The following ERLEC1 variants were observed in gnomAD, a reference collection of about 807,000 sequenced individuals.
ERLEC1 encodes endoplasmic reticulum lectin 1.
ERLEC1 carries 47 observed loss-of-function variants against 68.0 expected under a neutral mutation model. The ratio of observed to expected loss-of-function variants is 0.69; its 90% CI spans 0.55 to 0.88. ERLEC1 has a LOEUF of 0.88. Ranked by LOEUF, ERLEC1 falls within the 40% of genes least tolerant of loss-of-function variation. The pLI, the probability that ERLEC1 is intolerant of heterozygous loss-of-function variation, is 0.00. For missense variants in ERLEC1, 567 were observed against 583.8 expected, an observed-to-expected ratio of 0.97 and a Z score of 0.30; for synonymous variants, 225 against 203.2, an observed-to-expected ratio of 1.11 and a Z score of -0.91.
intron 8 of ERLEC1, among the ~76,000 whole-genome samples, chr2:53,803,729 A>G (rs1676127560): frequency 6.6e-6 from 1 of 152,146 alleles, no homozygotes; most frequent in Non-Finnish European, 1.5e-5. Context: ...CAACCTGGGT[A>G]AAAAGAGTGA....
Position 53,787,187 on chromosome 2 carries a change from G to T in ERLEC1, c.-24G>T, listed in dbSNP as rs1307538040. 6.3e-7 allele frequency: 1 copy of T among 1,584,056 alleles called. No individual in the cohort carries two copies. ...CTGGAGCAGAGGAGGTTGTGGCGGT[G>T]GCTGGAGAAAGCGGCGGCGGAGGAT... On this transcript the variant is annotated 5_prime_UTR_variant, in exon 1 of 14. Coordinates refer to ENST00000185150, the MANE Select transcript of ERLEC1 (RefSeq NM_015701.5).
intron 13 of ERLEC1, 119 bp from the exon 14 acceptor site, chr2:53,817,779 T>C: frequency 4.7e-6 from 3 of 633,440 alleles, no homozygotes; most frequent in Non-Finnish European, 8.6e-6. Flanking sequence ...TGTTGGATGT[T>C]TATCTAAAAC....
chr2:53,816,755 A>T (rs568858423), intron 13 of ERLEC1, among the ~76,000 whole-genome samples: 1 of 152,188 alleles, frequency 6.6e-6, no homozygotes, highest in South Asian at 2.1e-4. Context: ...TGATTATCTA[A>T]TGCCTAAATG....
At chr2:53,793,605 T>C (rs1234153804) in intron 1 of ERLEC1, among the ~76,000 whole-genome samples, 1 of 135,444 alleles carries the variant, frequency 7.4e-6, no homozygotes, top group Non-Finnish European at 1.6e-5. Context: ...TCTTAGTGCC[T>C]TTTTTTCTTT....
intron 13 of ERLEC1, among the ~76,000 whole-genome samples, chr2:53,816,264 G>A (rs1676876085): frequency 8.1e-6 from 1 of 123,014 alleles, no homozygotes; most frequent in African/African-American, 3.2e-5. Context: ...GGTTTTGGTT[G>A]GTTTTTTTTT....
intron 1 of ERLEC1, among the ~76,000 whole-genome samples, chr2:53,789,329 G>C (rs939805430): frequency 1.3e-5 from 2 of 149,338 alleles, no homozygotes; most frequent in Non-Finnish European, 3.0e-5. Context: ...GGGAGGTGGA[G>C]GTTGCACTGA....
At position 53,817,891 on chromosome 2, in the gene ERLEC1, T is replaced by C. The variant is rs1167228426; in HGVS notation, c.1381-7T>C. 1 of 1,597,398 alleles carries C rather than the reference T, an allele frequency of 6.3e-7. No homozygotes were observed. On this transcript the variant is annotated splice_polypyrimidine_tract_variant and splice_region_variant and intron_variant, in intron 13 of 13. Transcript: ENST00000185150. ...AACTTTTTAATGGCTTTGTTGTTCT[T>C]CTTTAGGTTGAATCTCCAGTGATCT...
At chr2:53,801,982 C>T in intron 8 of ERLEC1, 140 bp downstream of exon 8, 1 of 660,736 alleles carries the variant, frequency 1.5e-6, no homozygotes, top group Non-Finnish European at 2.6e-6. Flanking sequence ...CATTTCTTTT[C>T]ATTGATTTTA....
rs747342252 is a variant in ERLEC1 at position 53,812,954 on chromosome 2, G to A, written c.1107G>A (p.Lys369=). The change falls in exon 11 of 14, where the codon AAG becomes AAA. Residue 369 remains lysine, a synonymous_variant. Coordinates refer to ENST00000185150, the MANE Select transcript of ERLEC1 (RefSeq NM_015701.5). ...AAATTTTTTTCCCATATTAGGACAA[G>A]GATAGTGGGAAAACCTCTGTGGTTG... ...GKHVHQYHED[K]DSGKTSVVVG... The A allele has an allele frequency of 6.2e-6, 10 of 1,609,358 alleles. No individual in the cohort carries two copies. The highest frequency in any genetic ancestry group is 8.5e-6 in the Non-Finnish European group (10 of 1,179,122).
chr2:53,809,484 C>CAT (rs1415199053), intron 10 of ERLEC1, among the ~76,000 whole-genome samples: 7 of 152,178 alleles, frequency 4.6e-5, no homozygotes, highest in African/African-American at 1.7e-4. Flanking sequence ...ATTAATTACT[C>CAT]ATATGCTTCT....
intron 2 of ERLEC1, among the ~76,000 whole-genome samples, chr2:53,795,549 A>G (rs1183926212): frequency 6.6e-6 from 1 of 152,226 alleles, no homozygotes; most frequent in Non-Finnish European, 1.5e-5. Flanking sequence ...AGATTCAACT[A>G]TTCTAAGGGC....
intron 10 of ERLEC1, among the ~76,000 whole-genome samples, chr2:53,809,990 G>C (rs1676503314): frequency 6.6e-6 from 1 of 152,192 alleles, no homozygotes; most frequent in Non-Finnish European, 1.5e-5. Flanking sequence ...GGCAGAGGTT[G>C]CAGTGAGCCG....
At chr2:53,798,961 T>G in intron 5 of ERLEC1, 86 bp from the exon 6 acceptor site, 1 of 1,128,162 alleles carries the variant, frequency 8.9e-7, no homozygotes, top group Non-Finnish European at 1.3e-6. Flanking sequence ...GAAAGAAGAT[T>G]AAGGTTACAA....
intron 6 of ERLEC1, among the ~76,000 whole-genome samples, chr2:53,800,725 A>G (rs1463143739): frequency 1.3e-5 from 2 of 152,090 alleles, no homozygotes; most frequent in Non-Finnish European, 2.9e-5. Flanking sequence ...CTAACTTCTT[A>G]GTGATCTTTG....
intron 6 of ERLEC1, among the ~76,000 whole-genome samples, chr2:53,800,836 T>G (rs1416490281): frequency 6.6e-6 from 1 of 152,184 alleles, no homozygotes; most frequent in Non-Finnish European, 1.5e-5. Context: ...ACATGCTGGA[T>G]AGTATTGCTG....
At chr2:53,789,393 C>CCA (rs1675262265) in intron 1 of ERLEC1, among the ~76,000 whole-genome samples, 1 of 79,748 alleles carries the variant, frequency 1.3e-5, no homozygotes, top group Non-Finnish European at 2.4e-5. Context: ...GACTCTGTCT[C>CCA]AAAAAAAAAA....
chr2:53,791,573 C>G (rs1675394067), intron 1 of ERLEC1, among the ~76,000 whole-genome samples: 1 of 151,928 alleles, frequency 6.6e-6, no homozygotes, highest in Admixed American at 6.6e-5. Context: ...TTTTGTGGTC[C>G]CAATAAGTGA....
chr2:53,794,315 C>A, intron 1 of ERLEC1, 30 bp from the exon 2 acceptor site: 2 of 992,280 alleles, frequency 2.0e-6, no homozygotes. Flanking sequence ...TCACGGAGAA[C>A]ATAATGTATG....
Position 53,799,079 on chromosome 2 carries a change from G to A in ERLEC1, c.523G>A (p.Glu175Lys). ...REAEEKEKSN[E>K]IPTKNIEGQM... Reference sequence around the variant, plus strand: ...AGCAGAAGAAAAGGAAAAATCAAATGAGGCAAGTGACAGATGTTGATTTTT... The same window carrying A: ...AGCAGAAGAAAAGGAAAAATCAAATAAGGCAAGTGACAGATGTTGATTTTT... The change falls in exon 6 of 14, where the codon GAG becomes AAG. Residue 175 changes from glutamate to lysine, a missense_variant and splice_region_variant. Glu to Lys is a moderately conservative substitution (Grantham distance 56). Coordinates refer to ENST00000185150, the MANE Select transcript of ERLEC1 (RefSeq NM_015701.5). 1 of 1,611,664 alleles carries A rather than the reference G, an allele frequency of 6.2e-7. No individual in the cohort carries two copies. The highest frequency in any genetic ancestry group is 8.5e-7 in the Non-Finnish European group (1 of 1,178,532).
Sources: allele counts gnomAD v4.1 joint callset (sites outside exome capture counted in the v4.1 genomes callset), GRCh38; gene constraint gnomAD v4.1.1; transcripts MANE v1.5; gene names NCBI Gene and HGNC (gene_info 2026-07-23, HGNC 2026-07-21).